The following TRPM3 variants were observed in gnomAD, a reference collection of about 807,000 sequenced individuals.
TRPM3 encodes the protein long transient receptor potential channel 3.
A neutral mutation model predicts 181.2 loss-of-function variants in TRPM3; 77 were observed. The observed-to-expected ratio is 0.42, with a 90% CI of 0.35 to 0.51. The LOEUF is 0.51. Ranked by LOEUF, TRPM3 falls within the 20% of genes least tolerant of loss-of-function variation. The pLI, the probability that TRPM3 is intolerant of heterozygous loss-of-function variation, is 0.01. For synonymous variants in TRPM3, 745 were observed against 796.4 expected, an observed-to-expected ratio of 0.94 and a Z score of 1.09; for missense variants, 1,759 against 2,196.7, an observed-to-expected ratio of 0.80 and a Z score of 3.98.
intron 1 of TRPM3, among the ~76,000 whole-genome samples, chr9:71,371,826 TC>T (rs1427321804): frequency 2.0e-5 from 3 of 152,170 alleles, no homozygotes; most frequent in Non-Finnish European, 4.4e-5. Flanking sequence ...TTCATTCTTG[TC>T]TTTTGTTTTT....
intron 8 of TRPM3, among the ~76,000 whole-genome samples, chr9:70,753,222 A>G (rs1050117840): frequency 1.3e-5 from 2 of 152,030 alleles, no homozygotes; most frequent in Non-Finnish European, 2.9e-5. Flanking sequence ...ATTAAATTTG[A>G]GAATTTCTAT....
chr9:70,609,180 G>GTTGT (rs1394452431), intron 19 of TRPM3, among the ~76,000 whole-genome samples: 1 of 152,194 alleles, frequency 6.6e-6, no homozygotes, highest in East Asian at 1.9e-4. Flanking sequence ...GGGAAATTAA[G>GTTGT]TTGTTTGAGG....
intron 1 of TRPM3, among the ~76,000 whole-genome samples, chr9:71,030,898 T>G (rs2057213853): frequency 6.6e-6 from 1 of 152,184 alleles, no homozygotes; most frequent in African/African-American, 2.4e-5. Flanking sequence ...ATGAGACATA[T>G]GAATCAAAAT....
intron 1 of TRPM3, among the ~76,000 whole-genome samples, chr9:70,991,769 C>T (rs936171309): frequency 2.6e-5 from 4 of 152,258 alleles, no homozygotes; most frequent in African/African-American, 4.8e-5. Context: ...GAAGGCCTTC[C>T]GTGATCTCCA....
At chr9:71,213,661 G>T (rs752159494) in intron 1 of TRPM3, among the ~76,000 whole-genome samples, 51 of 152,058 alleles carry the variant, frequency 3.4e-4, no homozygotes, top group Non-Finnish European at 6.2e-4. Context: ...TTAAAAAAGA[G>T]GTAACAGGAA....
chr9:71,413,894 T>C (rs1272312115), intron 1 of TRPM3, among the ~76,000 whole-genome samples: 3 of 151,824 alleles, frequency 2.0e-5, no homozygotes, highest in Admixed American at 2.0e-4. Flanking sequence ...TCTCAGGTAT[T>C]CTGTTACAGT....
intron 25 of TRPM3, among the ~76,000 whole-genome samples, chr9:70,539,754 T>C (rs2042784265): frequency 6.6e-6 from 1 of 152,236 alleles, no homozygotes; most frequent in Admixed American, 6.5e-5. Context: ...GACTTGGAAT[T>C]ACTTTTTCAC....
intron 1 of TRPM3, among the ~76,000 whole-genome samples, chr9:71,120,423 T>C (rs781255615): frequency 1.3e-5 from 2 of 152,212 alleles, no homozygotes; most frequent in Admixed American, 6.5e-5. Flanking sequence ...CAGAGTTGTA[T>C]GGACTTTTTC....
chr9:71,253,580 T>G (rs2082486478), intron 1 of TRPM3, among the ~76,000 whole-genome samples: 1 of 152,176 alleles, frequency 6.6e-6, no homozygotes, highest in Admixed American at 6.5e-5. Flanking sequence ...AATGGAGCAG[T>G]TGCCCCCAAA....
At chr9:71,152,434 T>C (rs765950050) in intron 1 of TRPM3, among the ~76,000 whole-genome samples, 10 of 152,162 alleles carry the variant, frequency 6.6e-5, no homozygotes, top group Non-Finnish European at 1.5e-4. Context: ...CAAAGAAATC[T>C]TTAAATTGGA....
intron 1 of TRPM3, among the ~76,000 whole-genome samples, chr9:71,302,481 A>G (rs1355292845): frequency 6.6e-6 from 1 of 152,214 alleles, no homozygotes; most frequent in Non-Finnish European, 1.5e-5. Flanking sequence ...TAATTCTAAA[A>G]TGCTGTTTGA....
intron 1 of TRPM3, among the ~76,000 whole-genome samples, chr9:71,324,764 C>T (rs568189841): frequency 1.4e-4 from 22 of 152,078 alleles, no homozygotes; most frequent in African/African-American, 5.1e-4. Context: ...GGTATATATA[C>T]ACAATAGTAT....
chr9:70,962,159 T>G (rs1334166726), intron 1 of TRPM3, among the ~76,000 whole-genome samples: 1 of 152,060 alleles, frequency 6.6e-6, no homozygotes, highest in East Asian at 1.9e-4. Flanking sequence ...CTTTAGAACT[T>G]ATATTGAGGC....
intron 6 of TRPM3, among the ~76,000 whole-genome samples, chr9:70,817,343 C>G (rs2092783608): frequency 6.6e-6 from 1 of 152,154 alleles, no homozygotes; most frequent in Non-Finnish European, 1.5e-5. Flanking sequence ...GTAGATGTGA[C>G]AGTGGGCTCT....
At chr9:71,404,184 G>C (rs2093393762) in intron 1 of TRPM3, among the ~76,000 whole-genome samples, 1 of 152,166 alleles carries the variant, frequency 6.6e-6, no homozygotes, top group African/African-American at 2.4e-5. Context: ...AAATGTCTAT[G>C]TCCTTGGCAT....
At chr9:70,564,937 G>A (rs993545455) in intron 22 of TRPM3, among the ~76,000 whole-genome samples, 2 of 152,174 alleles carry the variant, frequency 1.3e-5, no homozygotes, top group African/African-American at 4.8e-5. Flanking sequence ...GTTCAGGCTC[G>A]AATCTCTCTG....
chr9:71,116,301 T>G (rs1381597809), intron 1 of TRPM3, among the ~76,000 whole-genome samples: 1 of 152,180 alleles, frequency 6.6e-6, no homozygotes, highest in Non-Finnish European at 1.5e-5. Flanking sequence ...AAGCAAAGTT[T>G]CTGGTTTACT....
At chr9:71,267,803 T>C (rs577170098) in intron 1 of TRPM3, among the ~76,000 whole-genome samples, 10 of 152,202 alleles carry the variant, frequency 6.6e-5, no homozygotes, top group African/African-American at 1.2e-4. Flanking sequence ...GTTTTGCTAA[T>C]AGTTCCAGTG....
intron 5 of TRPM3, among the ~76,000 whole-genome samples, chr9:70,835,194 T>C (rs770799316): frequency 6.6e-6 from 1 of 152,138 alleles, no homozygotes; most frequent in Non-Finnish European, 1.5e-5. Flanking sequence ...ATGTTTCTCT[T>C]ACAGACTGCA....
Sources: gnomAD v4.1 joint callset for allele counts (sites outside exome capture counted in the v4.1 genomes callset) on GRCh38, gnomAD v4.1.1 for gene constraint, MANE v1.5 for transcripts, NCBI Gene and HGNC (gene_info 2026-07-23, HGNC 2026-07-21) for gene names.